Variants in IGFL2 observed in about 807,000 individuals in gnomAD.
IGFL2 encodes the protein IGF like family member 2.
IGFL2 carries 7 observed loss-of-function variants against 13.9 expected under a neutral mutation model. The ratio of observed to expected loss-of-function variants is 0.51; its 90% confidence interval spans 0.29 to 0.95. The LOEUF is 0.95. Ranked by LOEUF, IGFL2 falls within the 40% of genes least tolerant of loss-of-function variation. IGFL2 has a pLI of 0.08. For synonymous variants in IGFL2, 55 were observed against 55.8 expected, an observed-to-expected ratio of 0.99 and a Z score of 0.07; for missense variants, 138 against 147.8, an observed-to-expected ratio of 0.93 and a Z score of 0.34.
chr19:46,110,108 A>T, the IGFL2 span, among the ~76,000 whole-genome samples: 1 of 152,230 alleles, frequency 6.6e-6, no homozygotes, highest in Admixed American at 6.5e-5. Context: ...TCCTTTGAGC[A>T]TAAGCTAGAT....
intron 1 of IGFL2, among the ~76,000 whole-genome samples, chr19:46,157,503 A>G (rs561814770): frequency 6.6e-6 from 1 of 152,342 alleles, no homozygotes; most frequent in South Asian, 2.1e-4. Context: ...GTAATCCATC[A>G]TATTAACATG....
the IGFL2 span, among the ~76,000 whole-genome samples, chr19:46,124,930 C>G: frequency 6.6e-6 from 1 of 150,598 alleles, no homozygotes; most frequent in Non-Finnish European, 1.5e-5. Flanking sequence ...TTGCAGACCT[C>G]AGGGTGAATG....
chr19:46,176,943 A>C, the IGFL2 span, among the ~76,000 whole-genome samples: 3 of 152,164 alleles, frequency 2.0e-5, no homozygotes, highest in Non-Finnish European at 4.4e-5. Flanking sequence ...GGGAGAAGAA[A>C]AGGGGAGTCC....
At chr19:46,192,594 AT>A in the IGFL2 span, among the ~76,000 whole-genome samples, 7 of 151,648 alleles carry the variant, frequency 4.6e-5, no homozygotes, top group Non-Finnish European at 5.9e-5. Context: ...TAACTTTTGT[AT>A]TTTTAGTAGA....
chr19:46,160,088 T>C, intron 1 of IGFL2: 1 of 342,020 alleles, frequency 2.9e-6, no homozygotes, highest in Non-Finnish European at 5.4e-6. Flanking sequence ...TCCTTCCTTA[T>C]CACCTTAATC....
chr19:46,121,136 G>A, the IGFL2 span, among the ~76,000 whole-genome samples: 1 of 150,082 alleles, frequency 6.7e-6, no homozygotes, highest in Admixed American at 6.6e-5. Context: ...CCAGCACTTT[G>A]GGAGGTCAAG....
chr19:46,131,786 A>T, the IGFL2 span, among the ~76,000 whole-genome samples: 1 of 152,168 alleles, frequency 6.6e-6, no homozygotes, highest in African/African-American at 2.4e-5. Context: ...TAAAAATACA[A>T]AAGTTAGCCG....
chr19:46,151,724 C>T (rs1318181522), intron 1 of IGFL2, among the ~76,000 whole-genome samples: 1 of 152,046 alleles, frequency 6.6e-6, no homozygotes, highest in Non-Finnish European at 1.5e-5. Flanking sequence ...CAGCCTGGGC[C>T]ATATGGTGAG....
the IGFL2 span, chr19:46,179,619 G>T: frequency 6.6e-6 from 1 of 152,426 alleles, no homozygotes; most frequent in Non-Finnish European, 1.5e-5. Context: ...CTGAACAGTG[G>T]CATCTCAGGA....
At chr19:46,208,837 A>G in the IGFL2 span, 1 of 152,246 alleles carries the variant, frequency 6.6e-6, no homozygotes, top group Non-Finnish European at 1.5e-5. Flanking sequence ...CTATGAGTCA[A>G]TTAAACCTCT....
chr19:46,125,032 AGAATGCTTC>A, the IGFL2 span, among the ~76,000 whole-genome samples: 2 of 141,144 alleles, frequency 1.4e-5, no homozygotes, highest in East Asian at 2.2e-4. Flanking sequence ...CCAATCAGAG[AGAATGCTTC>A]AGCCACTTCC....
chr19:46,154,789 C>T (rs1039848018), intron 1 of IGFL2, among the ~76,000 whole-genome samples: 1 of 152,132 alleles, frequency 6.6e-6, no homozygotes, highest in African/African-American at 2.4e-5. Context: ...GGAATTACCA[C>T]CCTCTTCTTG....
chr19:46,156,799 C>T (rs912566161), intron 1 of IGFL2, among the ~76,000 whole-genome samples: 2 of 151,538 alleles, frequency 1.3e-5, no homozygotes, highest in Non-Finnish European at 2.9e-5. Flanking sequence ...GAGCAGGAGT[C>T]GATAAAATTG....
At chr19:46,196,432 A>T in the IGFL2 span, among the ~76,000 whole-genome samples, 1 of 151,886 alleles carries the variant, frequency 6.6e-6, no homozygotes, top group Admixed American at 6.6e-5. Context: ...GGTCAGCCCC[A>T]TCCACAGCTG....
At chr19:46,149,176 T>C (rs1021920223) in intron 1 of IGFL2, 10 of 647,364 alleles carry the variant, frequency 1.5e-5, no homozygotes, top group African/African-American at 7.4e-5. Context: ...TCTCTCTCTC[T>C]TCTCTCTCTC....
At chr19:46,186,528 G>A in the IGFL2 span, among the ~76,000 whole-genome samples, 11 of 151,944 alleles carry the variant, frequency 7.2e-5, no homozygotes, top group Admixed American at 2.6e-4. Flanking sequence ...GTCCCACATG[G>A]AGGCTGCTTA....
At chr19:46,158,187 C>T (rs188504948) in intron 1 of IGFL2, among the ~76,000 whole-genome samples, 20 of 152,022 alleles carry the variant, frequency 1.3e-4, no homozygotes, top group Non-Finnish European at 1.8e-4. Context: ...GATGTTAGTT[C>T]CCCCCAAATT....
At chr19:46,147,394 G>T (rs1454077860), upstream of IGFL2, among the ~76,000 whole-genome samples, 1 of 152,190 alleles carries the variant, frequency 6.6e-6, no homozygotes, top group Non-Finnish European at 1.5e-5. Context: ...CCAGAGTTTA[G>T]TCTAGAATGA....
At chr19:46,149,173 CTCTTCTCTCTCTCT>C in intron 1 of IGFL2, 1 of 650,146 alleles carries the variant, frequency 1.5e-6, no homozygotes, top group Non-Finnish European at 2.8e-6. Context: ...CTCTCTCTCT[CTCTTCTCTCTCTCT>C]TTCTCTCTCC....
Sources: gnomAD v4.1 joint callset for allele counts (sites outside exome capture counted in the v4.1 genomes callset) on GRCh38, gnomAD v4.1.1 for gene constraint, MANE v1.5 for transcripts, NCBI Gene and HGNC (gene_info 2026-07-23, HGNC 2026-07-21) for gene names.